KRT73: variants seen among roughly 807,000 people sequenced by gnomAD.
KRT73 encodes the protein keratin, type II cytoskeletal 73.
A neutral mutation model predicts 47.2 loss-of-function variants in KRT73; 44 were observed. The observed-to-expected ratio is 0.93, with a 90% CI of 0.73 to 1.20. The LOEUF is 1.20. Ranked by LOEUF, KRT73 falls within the 50% of genes most tolerant of loss-of-function variation. The pLI, the probability that KRT73 is intolerant of heterozygous loss-of-function variation, is 0.00. For synonymous variants in KRT73, 285 were observed against 291.3 expected, an observed-to-expected ratio of 0.98 and a Z score of 0.22; for missense variants, 713 against 704.5, an observed-to-expected ratio of 1.01 and a Z score of -0.14.
rs760428547 is a variant in KRT73, at chr12:52,616,192, G to A, written c.636C>T (p.Arg212=). The A allele has an allele frequency of 1.7e-5, 27 of 1,613,932 alleles. No homozygotes were observed. The highest frequency in any genetic ancestry group is 7.7e-5 in the South Asian group (7 of 91,056). ...VRLDSELRSV[R]EVVEDYKKRY... Reference sequence around the variant, plus strand: ...TCTTCTTGTAGTCCTCCACCACTTCGCGCACGCTCCTCAGCTCCGAGTCCA... The same window carrying A: ...TCTTCTTGTAGTCCTCCACCACTTCACGCACGCTCCTCAGCTCCGAGTCCA... The change falls in exon 2 of 9, where the codon CGC becomes CGT. Residue 212 remains arginine, a synonymous_variant. Coordinates refer to ENST00000305748, the MANE Select transcript of KRT73 (RefSeq NM_175068.3).
chr12:52,627,644 T>C, the KRT73 span, among the ~76,000 whole-genome samples: 5 of 152,184 alleles, frequency 3.3e-5, no homozygotes, highest in Non-Finnish European at 7.3e-5. Flanking sequence ...GCCATTTAGT[T>C]ACCTGATAAT....
In KRT73 at chr12:52,608,039, G is replaced by T; in HGVS notation, c.*157C>A. On this transcript the variant is annotated 3_prime_UTR_variant, in exon 9 of 9. Coordinates refer to ENST00000305748, the MANE Select transcript of KRT73 (RefSeq NM_175068.3). ...CAAATCCTGATTCAACATTAACAAA[G>T]ACTGAGGCAGAGAGGTCAAGGAGAA... is the stretch of plus-strand genomic sequence containing the variant. 1 of 760,350 alleles carries T rather than the reference G, an allele frequency of 1.3e-6. No individual in the cohort carries two copies. The highest frequency in any genetic ancestry group is 2.1e-6 in the Non-Finnish European group (1 of 473,460). The allele number at this position is 760,350 out of a possible 1,614,324, so 47.1% of individuals were successfully genotyped here. A position where few individuals can be genotyped will look rare whatever the true frequency, so the allele number is the denominator to read the frequency against.
Position 52,614,563 on chromosome 12 carries a change from G to T in KRT73, c.819+16C>A. 6.3e-7 allele frequency: 1 copy of T among 1,597,604 alleles called. No homozygotes were observed. Among genetic ancestry groups the T allele is most frequent in the Non-Finnish European group, 8.6e-7 (1 of 1,166,864 alleles). On this transcript the variant is annotated intron_variant, in intron 4 of 8. Transcript: ENST00000305748. ...TCCAGAAGACAGAGCCAGAGGTGGG[G>T]CAGGGGGAGCCTTACCCCCTCGTAC...
chr12:52,611,571 C>A, intron 5 of KRT73: 1 of 514,262 alleles, frequency 1.9e-6, no homozygotes, highest in Non-Finnish European at 3.5e-6. Flanking sequence ...CCCAGACTCT[C>A]CATATGGCAA....
At chr12:52,613,372 C>T in intron 5 of KRT73, 1 of 246,144 alleles carries the variant, frequency 4.1e-6, no homozygotes, top group East Asian at 8.8e-5. Flanking sequence ...TGGCTTCTCC[C>T]CTCCAGACAG....
intron 4 of KRT73, 196 bp downstream of exon 4, chr12:52,614,383 G>A: frequency 3.9e-6 from 2 of 509,864 alleles, no homozygotes; most frequent in South Asian, 3.1e-5. Flanking sequence ...AGTGAAAGCA[G>A]GACATCCTCA....
At chr12:52,616,652 C>T (rs1940820820) in intron 1 of KRT73, among the ~76,000 whole-genome samples, 1 of 152,132 alleles carries the variant, frequency 6.6e-6, no homozygotes, top group Non-Finnish European at 1.5e-5. Context: ...CTCCTGTCTC[C>T]TCTGCACTTA....
chr12:52,622,294 A>G (rs1026712084), upstream of KRT73, among the ~76,000 whole-genome samples: 2 of 152,192 alleles, frequency 1.3e-5, no homozygotes, highest in African/African-American at 4.8e-5. Context: ...AAATTTAAAA[A>G]CCAGAAGAAC....
rs1316084839 is a variant in KRT73 at position 52,618,527 on chromosome 12, TG to T, written c.-4del. The T allele has an allele frequency of 6.3e-7, 1 of 1,592,414 alleles. No homozygotes were observed. The highest frequency in any genetic ancestry group is 8.6e-7 in the Non-Finnish European group (1 of 1,169,426). On this transcript the variant is annotated 5_prime_UTR_variant, in exon 1 of 9. Transcript: ENST00000305748. ...TTGTAGGTGAATTGGCGGCTCATGG[TG>T]GGGAGGCCAGAAAGTGGGGATAAGA...
chr12:52,623,979 A>G, the KRT73 span, among the ~76,000 whole-genome samples: 1 of 152,038 alleles, frequency 6.6e-6, no homozygotes, highest in South Asian at 2.1e-4. Flanking sequence ...TATATCAATA[A>G]TTATGTTAAA....
upstream of KRT73, among the ~76,000 whole-genome samples, chr12:52,622,132 GA>G (rs138471192): frequency 4.0e-4 from 60 of 150,086 alleles, no homozygotes; most frequent in South Asian, 2.9e-3. Flanking sequence ...CAAATTGAAT[GA>G]AAAAAAAAGA....
chr12:52,616,749 C>T (rs1420920578), intron 1 of KRT73, among the ~76,000 whole-genome samples: 1 of 152,164 alleles, frequency 6.6e-6, no homozygotes, highest in African/African-American at 2.4e-5. Flanking sequence ...CTGTGCTAGC[C>T]TTCACACTGT....
rs1026065353 is a variant in KRT73, at chr12:52,618,067, G to T, written c.447+11C>A. ...GGGAGCCCAAGATCAGCTTTCTCCA[G>T]AAAGACCCACCTTGTCAATGAAGGA... On this transcript the variant is annotated intron_variant, in intron 1 of 8. Transcript: ENST00000305748. 5.6e-6 allele frequency: 9 copies of T among 1,612,466 alleles called. No individual in the cohort carries two copies. The highest frequency in any genetic ancestry group is 6.8e-6 in the Non-Finnish European group (8 of 1,179,444).
chr12:52,627,685 A>G, the KRT73 span, among the ~76,000 whole-genome samples: 2 of 152,206 alleles, frequency 1.3e-5, no homozygotes, highest in Admixed American at 6.5e-5. Flanking sequence ...TAGCAACACT[A>G]TTACCCTGCA....
At chr12:52,609,122 G>A in intron 8 of KRT73, 125 bp downstream of exon 8, 1 of 816,718 alleles carries the variant, frequency 1.2e-6, no homozygotes. Flanking sequence ...AGGAAGGTGA[G>A]TATGTGACCA....
At chr12:52,625,524 A>G in the KRT73 span, among the ~76,000 whole-genome samples, 1 of 152,228 alleles carries the variant, frequency 6.6e-6, no homozygotes, top group Non-Finnish European at 1.5e-5. Flanking sequence ...GAGCACTCAT[A>G]TATTGCTAAT....
upstream of KRT73, among the ~76,000 whole-genome samples, chr12:52,621,743 C>T (rs1940910849): frequency 1.3e-5 from 2 of 152,198 alleles, no homozygotes; most frequent in African/African-American, 4.8e-5. Flanking sequence ...TTCACCTACA[C>T]CCACATCAGC....
chr12:52,610,645 T>A lies in KRT73; in HGVS notation c.1301A>T (p.Tyr434Phe). The A allele has an allele frequency of 1.9e-6, 3 of 1,600,188 alleles. No individual in the cohort carries two copies. Among genetic ancestry groups the A allele is most frequent in the Non-Finnish European group, 2.6e-6 (3 of 1,171,714 alleles). The change falls in exon 7 of 9, where the codon TAC becomes TTC. Residue 434 changes from tyrosine to phenylalanine, a missense_variant. By Grantham distance (22) the Tyr-to-Phe change is conservative. Transcript: ENST00000305748. ...CTCCTCGCCCTCCAGCAGCTTGCGG[T>A]AGGTGGCGATCTCAATATCCAGGGA... is the stretch of plus-strand genomic sequence containing the variant. Reference protein sequence around the residue: ...KLSLDIEIATYRKLLEGEECR... With the variant: ...KLSLDIEIATFRKLLEGEECR...
chr12:52,608,961 G>T (rs1296955772), intron 8 of KRT73, among the ~76,000 whole-genome samples: 1 of 152,206 alleles, frequency 6.6e-6, no homozygotes. Flanking sequence ...GAGCCGGTGT[G>T]GGGGTGACAG....
Sources: gnomAD v4.1 joint callset for allele counts (sites outside exome capture counted in the v4.1 genomes callset) on GRCh38, gnomAD v4.1.1 for gene constraint, MANE v1.5 for transcripts, NCBI Gene and HGNC (gene_info 2026-07-23, HGNC 2026-07-21) for gene names.